Variants in MCU observed in about 807,000 individuals in gnomAD.
MCU encodes the protein mitochondrial calcium uniporter.
MCU carries 12 observed loss-of-function variants against 45.2 expected under a neutral mutation model. That is an observed-to-expected ratio of 0.27 (90% CI 0.17 to 0.43). The LOEUF is 0.43. Among genes scored for constraint, MCU ranks in the 20% least tolerant of loss-of-function variants. The pLI is 1.00. For missense variants in MCU, 324 were observed against 436.7 expected (o/e 0.74, Z 2.30); for synonymous variants, 160 against 165.1 (o/e 0.97, Z 0.24).
intron 1 of MCU, among the ~76,000 whole-genome samples, chr10:72,762,919 G>A (rs1412396270): frequency 1.3e-5 from 2 of 152,032 alleles, no homozygotes; most frequent in East Asian, 1.9e-4. Flanking sequence ...TAAAATCAAC[G>A]TGTCTTCAGG....
At chr10:72,714,432 A>G (rs377201640) in intron 1 of MCU, among the ~76,000 whole-genome samples, 93 of 139,302 alleles carry the variant, frequency 6.7e-4, no homozygotes, top group African/African-American at 2.5e-3. Flanking sequence ...GGCTCAAGCA[A>G]TCCTCCTCCC....
Position 72,702,473 on chromosome 10 carries a change from T to C in MCU, c.150+10172T>C, listed in dbSNP as rs1842770352. 2.6e-5 allele frequency among the ~76,000 whole-genome samples: 4 copies of C among 152,186 alleles called. No homozygotes were observed. In the South Asian group the frequency reaches 8.3e-4, roughly 31 times the overall value. The stretch of plus-strand genomic sequence containing the variant: ...GACATTCAGAAAATATCTGTGGAAC[T>C]CCTGCATTTTGTGAGGCACTGCCCA... On this transcript the variant is annotated intron_variant, in intron 1 of 7. Coordinates refer to ENST00000373053, the MANE Select transcript of MCU (RefSeq NM_138357.3).
At chr10:72,726,011 G>GTA (rs759506913) in intron 1 of MCU, among the ~76,000 whole-genome samples, 24 of 151,758 alleles carry the variant, frequency 1.6e-4, no homozygotes, top group Non-Finnish European at 2.4e-4. Context: ...TAACCATGTC[G>GTA]TATATATATC....
intron 1 of MCU, among the ~76,000 whole-genome samples, chr10:72,787,351 C>T (rs1285392767): frequency 6.6e-6 from 1 of 152,186 alleles, no homozygotes; most frequent in East Asian, 1.9e-4. Flanking sequence ...TCACTGCAAC[C>T]TCCGCCTCCC....
chr10:72,708,938 G>A (rs1842856121), intron 1 of MCU, among the ~76,000 whole-genome samples: 1 of 152,018 alleles, frequency 6.6e-6, no homozygotes, highest in Admixed American at 6.6e-5. Context: ...GATCACTTGA[G>A]CCTAGGCTGC....
At chr10:72,755,896 T>G (rs1157332303) in intron 1 of MCU, among the ~76,000 whole-genome samples, 3 of 151,464 alleles carry the variant, frequency 2.0e-5, no homozygotes, top group Non-Finnish European at 4.4e-5. Flanking sequence ...AGGCTTAGAG[T>G]GCAGTGATAT....
chr10:72,719,236 C>T (rs556835352), intron 1 of MCU, among the ~76,000 whole-genome samples: 2 of 152,288 alleles, frequency 1.3e-5, no homozygotes, highest in African/African-American at 4.8e-5. Context: ...AACCTTTTAT[C>T]TTAGAATATA....
At chr10:72,834,272 C>CTTAAGTAA in intron 1 of MCU, 87 bp from the exon 2 acceptor site, 2 of 849,280 alleles carry the variant, frequency 2.4e-6, no homozygotes. Flanking sequence ...CTTAAGTAAT[C>CTTAAGTAA]ATATGTATAT....
At chr10:72,836,096 G>A (rs1292237639) in intron 2 of MCU, among the ~76,000 whole-genome samples, 1 of 151,580 alleles carries the variant, frequency 6.6e-6, no homozygotes, top group East Asian at 1.9e-4. Context: ...ACCACTGCAG[G>A]GTGCCATCAT....
intron 1 of MCU, among the ~76,000 whole-genome samples, chr10:72,747,698 G>A (rs898688699): frequency 1.3e-5 from 2 of 152,048 alleles, no homozygotes; most frequent in African/African-American, 2.4e-5. Flanking sequence ...AAAGCTAGAT[G>A]TGGTGACGTA....
At chr10:72,822,370 ACATTCTATGGC>A (rs1250695913) in intron 1 of MCU, among the ~76,000 whole-genome samples, 1 of 152,234 alleles carries the variant, frequency 6.6e-6, no homozygotes, top group Non-Finnish European at 1.5e-5. Flanking sequence ...ATGCCACCAC[ACATTCTATGGC>A]CATTAAAAAG....
chr10:72,767,135 TA>T (rs750246906), intron 1 of MCU: 2 of 152,220 alleles, frequency 1.3e-5, no homozygotes, highest in African/African-American at 2.4e-5. Flanking sequence ...AATTATGATT[TA>T]TTTGTCTTTT....
At chr10:72,726,379 A>G (rs907119360) in intron 1 of MCU, among the ~76,000 whole-genome samples, 1 of 152,066 alleles carries the variant, frequency 6.6e-6, no homozygotes, top group Non-Finnish European at 1.5e-5. Flanking sequence ...CTCTAAGTCA[A>G]CTGATACAGC....
At chr10:72,759,714 A>G (rs999111785) in intron 1 of MCU, among the ~76,000 whole-genome samples, 3 of 152,180 alleles carry the variant, frequency 2.0e-5, no homozygotes, top group Non-Finnish European at 2.9e-5. Flanking sequence ...CAATGTGACT[A>G]TTTGGAGATA....
At chr10:72,732,756 C>T (rs999985718) in intron 1 of MCU, among the ~76,000 whole-genome samples, 1 of 152,112 alleles carries the variant, frequency 6.6e-6, no homozygotes. Flanking sequence ...TTTACCTTTC[C>T]TCACCAGGAA....
At chr10:72,812,225 C>T (rs1844555066) in intron 1 of MCU, among the ~76,000 whole-genome samples, 1 of 152,002 alleles carries the variant, frequency 6.6e-6, no homozygotes, top group South Asian at 2.1e-4. Context: ...CGGCTCACTG[C>T]AGCCTCCACT....
intron 1 of MCU, among the ~76,000 whole-genome samples, chr10:72,699,172 G>T (rs1679327803): frequency 6.6e-6 from 1 of 152,088 alleles, no homozygotes; most frequent in South Asian, 2.1e-4. Context: ...AACATGTTAG[G>T]AAAACTAAGA....
At chr10:72,805,786 C>G (rs1317477183) in intron 1 of MCU, among the ~76,000 whole-genome samples, 2 of 152,090 alleles carry the variant, frequency 1.3e-5, no homozygotes, top group Non-Finnish European at 2.9e-5. Flanking sequence ...TTTCATAGAG[C>G]AACAGTCTAG....
intron 1 of MCU, among the ~76,000 whole-genome samples, chr10:72,719,258 T>C (rs1326090013): frequency 6.6e-6 from 1 of 152,192 alleles, no homozygotes; most frequent in Non-Finnish European, 1.5e-5. Context: ...GCTGTCAGAA[T>C]TATAGGATTA....
Sources: allele counts gnomAD v4.1 joint callset (sites outside exome capture counted in the v4.1 genomes callset), GRCh38; gene constraint gnomAD v4.1.1; transcripts MANE v1.5; gene names NCBI Gene and HGNC (gene_info 2026-07-23, HGNC 2026-07-21).